Variants in ERCC6L2 observed in about 807,000 individuals in gnomAD.
The protein encoded by ERCC6L2 is DNA excision repair protein ERCC-6-like 2.
A neutral mutation model predicts 132.0 loss-of-function variants in ERCC6L2; 77 were observed. The ratio of observed to expected loss-of-function variants is 0.58; its 90% CI spans 0.49 to 0.71. ERCC6L2 has a LOEUF of 0.71. Among genes scored for constraint, ERCC6L2 ranks in the 30% least tolerant of loss-of-function variants. The pLI is 0.00. For missense variants in ERCC6L2, 1,542 were observed against 1,837.6 expected (o/e 0.84, Z 2.94); for synonymous variants, 583 against 632.4 (o/e 0.92, Z 1.17).
intron 1 of ERCC6L2, among the ~76,000 whole-genome samples, chr9:95,880,005 T>G (rs910721877): frequency 6.6e-6 from 1 of 152,238 alleles, no homozygotes; most frequent in East Asian, 1.9e-4. Context: ...TAGTATACTG[T>G]GGACTCCCTC....
chr9:95,999,291 G>A (rs1313442924), intron 17 of ERCC6L2, among the ~76,000 whole-genome samples: 2 of 152,114 alleles, frequency 1.3e-5, no homozygotes, highest in Non-Finnish European at 2.9e-5. Context: ...AACCCAGGAG[G>A]CGGAGCTTGC....
intron 19 of ERCC6L2, among the ~76,000 whole-genome samples, chr9:96,031,591 A>G (rs1175144799): frequency 2.6e-5 from 4 of 152,378 alleles, no homozygotes; most frequent in African/African-American, 9.6e-5. Flanking sequence ...TCCAAATGCT[A>G]TAAAGCCAAG....
downstream of ERCC6L2, among the ~76,000 whole-genome samples, chr9:96,019,244 T>G (rs1256244365): frequency 6.6e-6 from 1 of 152,218 alleles, no homozygotes; most frequent in African/African-American, 2.4e-5. Context: ...ATTCATATTT[T>G]CTCTTCTTTC....
chr9:95,925,066 A>G (rs1300120016), intron 9 of ERCC6L2, among the ~76,000 whole-genome samples: 1 of 152,162 alleles, frequency 6.6e-6, no homozygotes, highest in Admixed American at 6.5e-5. Context: ...TACCTTTTGA[A>G]TTCAGGTGAT....
intron 3 of ERCC6L2, among the ~76,000 whole-genome samples, chr9:95,900,476 C>A (rs1391301917): frequency 6.6e-6 from 1 of 151,932 alleles, no homozygotes; most frequent in Non-Finnish European, 1.5e-5. Context: ...TCTAAATTAT[C>A]TGTGGCCCTA....
intron 13 of ERCC6L2, among the ~76,000 whole-genome samples, chr9:95,963,147 CTGTGTGTGTGTGTGTGTG>C (rs34128119): frequency 6.7e-6 from 1 of 148,622 alleles, no homozygotes; most frequent in Admixed American, 6.8e-5. Context: ...GTCATCTCGT[CTGTGTGTGTGTGTGTGTG>C]TGTGTGTGTG....
chr9:95,888,766 T>A (rs1198319223), intron 2 of ERCC6L2, among the ~76,000 whole-genome samples: 1 of 152,216 alleles, frequency 6.6e-6, no homozygotes, highest in East Asian at 1.9e-4. Context: ...GTAGAAGTGA[T>A]GAGTGCCATT....
chr9:95,976,002 G>A (rs1832654641), intron 16 of ERCC6L2, among the ~76,000 whole-genome samples: 1 of 151,998 alleles, frequency 6.6e-6, no homozygotes, highest in African/African-American at 2.4e-5. Context: ...TTTCATTGAA[G>A]GGATATTACT....
At chr9:95,996,266 T>G (rs1175770248) in intron 17 of ERCC6L2, among the ~76,000 whole-genome samples, 2 of 152,234 alleles carry the variant, frequency 1.3e-5, no homozygotes, top group Non-Finnish European at 2.9e-5. Flanking sequence ...AAGGCTCTAA[T>G]GCACTTCAAT....
At chr9:95,956,391 T>C (rs689979) in intron 13 of ERCC6L2, among the ~76,000 whole-genome samples, 89,879 of 151,912 alleles carry the variant, frequency 0.59, 26,817 homozygotes, top group East Asian at 0.79. Context: ...GCTCCCCAAA[T>C]TACAGGCCAA....
rs1829561195 is a variant in ERCC6L2 at position 95,915,874 on chromosome 9, C to T, written c.950+45C>T. 5.9e-6 allele frequency: 9 copies of T among 1,523,546 alleles called. No individual in the cohort carries two copies. The East Asian group carries it at 2.0e-4, about 35-fold the overall frequency. 94.4% of individuals were successfully genotyped at this position (1,523,546 alleles called of 1,614,324 possible). A position where few individuals can be genotyped will look rare whatever the true frequency, so the allele number is the denominator to read the frequency against. On this transcript the variant is annotated intron_variant, in intron 5 of 18. Coordinates refer to ENST00000653738, the MANE Select transcript of ERCC6L2 (RefSeq NM_020207.7). The stretch of plus-strand genomic sequence containing the variant: ...AAAAAATTGTTTAATAGTTCTTCAG[C>T]TGAATACGGTCTTGTTTGCTAATCA...
At chr9:95,915,440 CCAT>C (rs1829535826) in intron 4 of ERCC6L2, among the ~76,000 whole-genome samples, 1 of 151,964 alleles carries the variant, frequency 6.6e-6, no homozygotes, top group Non-Finnish European at 1.5e-5. Flanking sequence ...TTTCTTTTTA[CCAT>C]CATTAAAGAA....
intron 3 of ERCC6L2, among the ~76,000 whole-genome samples, chr9:95,901,232 T>C (rs1828760160): frequency 6.6e-6 from 1 of 152,186 alleles, no homozygotes; most frequent in Non-Finnish European, 1.5e-5. Context: ...AGATGAGAGT[T>C]CAGTGTCAAC....
rs1003712573 is a variant in ERCC6L2, at chr9:96,015,943, C to A, written c.*2740C>A. 6.6e-6 allele frequency among the ~76,000 whole-genome samples: 1 copy of A among 152,050 alleles called. No individual in the cohort carries two copies. Among genetic ancestry groups the A allele is most frequent in the African/African-American group, 2.4e-5 (1 of 41,392 alleles). The stretch of plus-strand genomic sequence containing the variant: ...AGTGTGTCAGGTGGAATGCAGAGTC[C>A]AGTATGAAAAGGAGCCTGTTTCAGA... On this transcript the variant is annotated 3_prime_UTR_variant, in exon 19 of 19. Transcript: ENST00000653738.
At chr9:95,973,492 A>G (rs1357642229) in intron 16 of ERCC6L2, among the ~76,000 whole-genome samples, 1 of 152,198 alleles carries the variant, frequency 6.6e-6, no homozygotes, top group Non-Finnish European at 1.5e-5. Context: ...TCACAGTTCC[A>G]CATGGCTAGG....
intron 10 of ERCC6L2, 93 bp downstream of exon 10, chr9:95,928,243 C>CCG: frequency 1.3e-6 from 1 of 782,996 alleles, no homozygotes; most frequent in South Asian, 1.8e-5. Flanking sequence ...CTTACAGCCA[C>CCG]ATTTTCTCTT....
At chr9:95,939,754 G>A (rs114688264) in intron 11 of ERCC6L2, among the ~76,000 whole-genome samples, 1,771 of 152,152 alleles carry the variant, frequency 0.012, 45 homozygotes, top group African/African-American at 0.04. Context: ...TGATGGCTTT[G>A]TTAAAATTCT....
At chr9:95,989,287 T>C (rs1247855640) in intron 17 of ERCC6L2, among the ~76,000 whole-genome samples, 1 of 152,166 alleles carries the variant, frequency 6.6e-6, no homozygotes, top group Admixed American at 6.5e-5. Flanking sequence ...GGGGTGGAGC[T>C]GACAGTCCCA....
intron 1 of ERCC6L2, chr9:95,877,214 A>G (rs1011136273): frequency 6.6e-6 from 1 of 152,246 alleles, no homozygotes; most frequent in East Asian, 1.9e-4. Flanking sequence ...TAACAATTTA[A>G]GCAGTTGTTC....
Sources: gnomAD v4.1 joint callset for allele counts (sites outside exome capture counted in the v4.1 genomes callset) on GRCh38, gnomAD v4.1.1 for gene constraint, MANE v1.5 for transcripts, NCBI Gene and HGNC (gene_info 2026-07-23, HGNC 2026-07-21) for gene names.